SLTM: variants seen among roughly 807,000 people sequenced by gnomAD.
The protein encoded by SLTM is SAFB-like transcription modulator.
Under a neutral mutation model 134.6 loss-of-function variants are expected in SLTM, and 43 were observed. That is an observed-to-expected ratio of 0.32 (90% CI 0.25 to 0.41). The LOEUF (loss-of-function observed/expected upper bound fraction) is 0.41. SLTM is among the 10% of genes least tolerant of loss of function. The pLI is 1.00. For synonymous variants in SLTM, 424 were observed against 432.3 expected, an observed-to-expected ratio of 0.98 and a Z score of 0.24; for missense variants, 1,055 against 1,288.8, an observed-to-expected ratio of 0.82 and a Z score of 2.78.
chr15:58,900,169 G>A (rs1165106205), intron 6 of SLTM, among the ~76,000 whole-genome samples: 1 of 151,866 alleles, frequency 6.6e-6, no homozygotes, highest in East Asian at 1.9e-4. Context: ...AACAACAATA[G>A]TGAGAAAATG....
intron 5 of SLTM, among the ~76,000 whole-genome samples, chr15:58,901,740 A>G (rs1293916437): frequency 6.6e-6 from 1 of 152,162 alleles, no homozygotes; most frequent in African/African-American, 2.4e-5. Flanking sequence ...TAATAAACCA[A>G]ACAAACAAAC....
intron 2 of SLTM, among the ~76,000 whole-genome samples, chr15:58,924,642 A>AT (rs1373246839): frequency 2.0e-5 from 3 of 152,184 alleles, no homozygotes; most frequent in African/African-American, 7.2e-5. Flanking sequence ...AACTTTTTGT[A>AT]TTTGAGAATT....
At chr15:58,913,102 T>C (rs1015622374) in intron 4 of SLTM, among the ~76,000 whole-genome samples, 27 of 152,166 alleles carry the variant, frequency 1.8e-4, no homozygotes, top group African/African-American at 6.3e-4. Context: ...CACCAAGTAA[T>C]GTTGGCAATG....
At chr15:58,926,588 A>C (rs560688016) in intron 2 of SLTM, among the ~76,000 whole-genome samples, 1 of 150,952 alleles carries the variant, frequency 6.6e-6, no homozygotes, top group East Asian at 1.9e-4. Flanking sequence ...GGTAATCTTC[A>C]CTTTTTTGTA....
chr15:58,893,226 C>A, intron 13 of SLTM, 53 bp downstream of exon 13: 1 of 1,494,614 alleles, frequency 6.7e-7, no homozygotes, highest in Non-Finnish European at 9.2e-7. Flanking sequence ...ACAGAATTAT[C>A]TTCTTTTGTA....
Position 58,880,031 on chromosome 15 carries a change from G to A in SLTM, c.3073C>T (p.Pro1025Ser). ...CGTCGCGGAGGTCCACCCTTAAATG[G>A]CTTAAATCCGGAGCCACTTCCTCTT... ...MPRGSGSGFK[P>S]FKGGPPRRF The change falls in exon 21 of 21, where the codon CCA becomes TCA. Residue 1025 changes from proline to serine, a missense_variant. Pro to Ser is a moderately conservative substitution (Grantham distance 74, BLOSUM62 -1). Coordinates refer to ENST00000380516, the MANE Select transcript of SLTM (RefSeq NM_024755.4). 6.2e-7 allele frequency: 1 copy of A among 1,614,036 alleles called. No individual in the cohort carries two copies. Among genetic ancestry groups the A allele is most frequent in the Middle Eastern group, 1.6e-4 (1 of 6,062 alleles).
intron 5 of SLTM, among the ~76,000 whole-genome samples, chr15:58,906,200 A>C (rs2035858200): frequency 6.6e-6 from 1 of 152,242 alleles, no homozygotes; most frequent in Non-Finnish European, 1.5e-5. Context: ...CAACTATTTG[A>C]AAACAATTTC....
chr15:58,932,520 T>C (rs2037948279), intron 1 of SLTM, 77 bp from the exon 2 acceptor site: 2 of 1,117,382 alleles, frequency 1.8e-6, no homozygotes, highest in Admixed American at 3.8e-5. Flanking sequence ...AAAAAAAATT[T>C]AGCAAACCTC....
intron 2 of SLTM, among the ~76,000 whole-genome samples, chr15:58,919,182 G>A (rs770588349): frequency 1.1e-4 from 16 of 152,066 alleles, no homozygotes; most frequent in Non-Finnish European, 2.1e-4. Context: ...CAAAGTGTTG[G>A]GATAACAGGC....
chr15:58,893,022 T>C lies in SLTM; in HGVS notation c.1773A>G (p.Leu591=). 6.2e-7 allele frequency: 1 copy of C among 1,610,930 alleles called. No individual in the cohort carries two copies. The highest frequency in any genetic ancestry group is 8.5e-7 in the Non-Finnish European group (1 of 1,179,060). Residue 591 remains leucine, a synonymous_variant, in exon 14 of 21, where the codon CTA becomes CTG. Transcript: ENST00000380516. ...TGTAGTCTTTATCTCTTTTTTTATC[T>C]AGACTAGCTCTCTCCTTTTCCTTAC... ...GRSKEKERAS[L]DKKRDKDYRR...
chr15:58,921,631 G>T (rs574288608), intron 2 of SLTM: 2 of 422,042 alleles, frequency 4.7e-6, no homozygotes, highest in South Asian at 3.5e-5. Flanking sequence ...TGAAACTGGA[G>T]TAACAACCTG....
Position 58,894,507 on chromosome 15 carries a change from TTGAAGACA to T in SLTM, c.1295_1302del (p.Met432LysfsTer15). ...GCAATACACCTGGACACCTCTGTGC[TTGAAGACA>T]TAGTTACAATGCCATAGCATTTTGC... On this transcript the variant is annotated frameshift_variant, in exon 10 of 21. Coordinates refer to ENST00000380516, the MANE Select transcript of SLTM (RefSeq NM_024755.4). LOFTEE classifies it high-confidence loss of function. The T allele has an allele frequency of 6.2e-7, 1 of 1,614,150 alleles. No individual in the cohort carries two copies. The highest frequency in any genetic ancestry group is 8.5e-7 in the Non-Finnish European group (1 of 1,180,016).
At chr15:58,912,289 C>T (rs1187403246) in intron 5 of SLTM, among the ~76,000 whole-genome samples, 5 of 151,906 alleles carry the variant, frequency 3.3e-5, no homozygotes, top group African/African-American at 1.2e-4. Flanking sequence ...TCAGTAGAGA[C>T]GGGGTTTCGC....
chr15:58,893,249 A>G lies in SLTM; in HGVS notation c.1734+30T>C, dbSNP rs752938978. The G allele has an allele frequency of 1.5e-5, 23 of 1,520,606 alleles. No homozygotes were observed. The East Asian group carries it at 5.2e-4, about 34-fold the overall frequency. 94.2% of individuals were successfully genotyped at this position (1,520,606 alleles called of 1,614,324 possible). A position where few individuals can be genotyped will look rare whatever the true frequency, so the allele number is the denominator to read the frequency against. On this transcript the variant is annotated intron_variant, in intron 13 of 20. Coordinates refer to ENST00000380516, the MANE Select transcript of SLTM (RefSeq NM_024755.4). ...ATCTTCTTTTGTAAACAGCTGAAGT[A>G]GTATACAACCATCCTGATCAGAGAC...
intron 2 of SLTM, among the ~76,000 whole-genome samples, chr15:58,922,555 ATATGTATATAAT>A (rs2037155421): frequency 3.6e-4 from 2 of 5,604 alleles, no homozygotes; most frequent in East Asian, 0.015. Context: ...TATGTATATA[ATATGTATATAAT>A]ATATATTATA....
chr15:58,932,988 T>G (rs1472825055), intron 1 of SLTM, among the ~76,000 whole-genome samples: 2 of 152,142 alleles, frequency 1.3e-5, no homozygotes, highest in Non-Finnish European at 2.9e-5. Flanking sequence ...AATTAAACGG[T>G]AACTTCGCAG....
At chr15:58,894,705 GTTT>G (rs3052966) in intron 9 of SLTM, 123 bp from the exon 10 acceptor site, 1,156 of 516,242 alleles carry the variant, frequency 2.2e-3, no homozygotes, top group East Asian at 4.7e-3. Context: ...TCTGTCTCAT[GTTT>G]TTTTTTTTTT....
chr15:58,897,093 TA>T, intron 9 of SLTM, 21 bp downstream of exon 9: 2 of 1,390,618 alleles, frequency 1.4e-6, no homozygotes, highest in Non-Finnish European at 1.0e-6. Context: ...GAAAGACAGA[TA>T]AAAAGGTAAA....
intron 1 of SLTM, among the ~76,000 whole-genome samples, chr15:58,932,706 C>T (rs975315242): frequency 6.6e-6 from 1 of 152,096 alleles, no homozygotes; most frequent in Non-Finnish European, 1.5e-5. Flanking sequence ...ATCATACTGG[C>T]CAAAAATCCA....
Sources: allele counts gnomAD v4.1 joint callset (sites outside exome capture counted in the v4.1 genomes callset), GRCh38; gene constraint gnomAD v4.1.1; transcripts MANE v1.5; gene names NCBI Gene and HGNC (gene_info 2026-07-23, HGNC 2026-07-21).